Variants in OPCML observed in about 807,000 individuals in gnomAD.
OPCML encodes opioid-binding protein/cell adhesion molecule.
OPCML carries 13 observed loss-of-function variants against 37.8 expected under a neutral mutation model. That is an observed-to-expected ratio of 0.34 (90% CI 0.22 to 0.55). The LOEUF (loss-of-function observed/expected upper bound fraction) is 0.55, where lower values mean the gene tolerates loss of function less well. Among genes scored for constraint, OPCML ranks in the 20% least tolerant of loss-of-function variants. OPCML has a pLI of 0.91. For missense variants in OPCML, 341 were observed against 435.6 expected (o/e 0.78, Z 1.93); for synonymous variants, 176 against 168.8 (o/e 1.04, Z -0.33).
intron 1 of OPCML, among the ~76,000 whole-genome samples, chr11:133,079,101 C>T (rs1423509831): frequency 6.6e-6 from 1 of 152,146 alleles, no homozygotes; most frequent in African/African-American, 2.4e-5. Context: ...TCCACATACA[C>T]GCCCGCCTGA....
chr11:132,898,647 A>T (rs1439406827), intron 2 of OPCML, among the ~76,000 whole-genome samples: 2 of 152,200 alleles, frequency 1.3e-5, no homozygotes, highest in Non-Finnish European at 2.9e-5. Context: ...CATAGTCAGG[A>T]TACATGGAGT....
intron 3 of OPCML, among the ~76,000 whole-genome samples, chr11:132,581,618 C>T (rs929452030): frequency 3.3e-5 from 5 of 152,182 alleles, no homozygotes; most frequent in Non-Finnish European, 7.3e-5. Flanking sequence ...AGCTCTGAAT[C>T]CTGTCCCACC....
At chr11:132,606,857 C>G (rs559651714) in intron 3 of OPCML, among the ~76,000 whole-genome samples, 36 of 152,332 alleles carry the variant, frequency 2.4e-4, no homozygotes, top group South Asian at 1.2e-3. Flanking sequence ...TGTCTCCCCC[C>G]ACCCACCGCT....
At chr11:133,181,883 C>G (rs1937849287) in intron 1 of OPCML, among the ~76,000 whole-genome samples, 1 of 151,864 alleles carries the variant, frequency 6.6e-6, no homozygotes, top group African/African-American at 2.4e-5. Flanking sequence ...TGAGTCCCTC[C>G]TCCAAAGCTG....
At chr11:132,800,483 T>C (rs1938578210) in intron 2 of OPCML, among the ~76,000 whole-genome samples, 1 of 152,168 alleles carries the variant, frequency 6.6e-6, no homozygotes, top group Non-Finnish European at 1.5e-5. Context: ...ATCCTCATCT[T>C]GTTTCTGGAT....
chr11:132,633,577 C>A (rs1399719664), intron 3 of OPCML, among the ~76,000 whole-genome samples: 1 of 152,166 alleles, frequency 6.6e-6, no homozygotes, highest in Admixed American at 6.5e-5. Context: ...GGGTCTGAGC[C>A]TGGCCTCTTA....
chr11:133,091,950 T>G (rs1948913542), intron 1 of OPCML, among the ~76,000 whole-genome samples: 1 of 152,170 alleles, frequency 6.6e-6, no homozygotes, highest in Admixed American at 6.5e-5. Context: ...AATTTTATAG[T>G]CTGAATATCT....
At chr11:132,862,482 G>GA (rs11387928) in intron 2 of OPCML, among the ~76,000 whole-genome samples, 20,165 of 127,794 alleles carry the variant, frequency 0.16, 1,620 homozygotes, top group Non-Finnish European at 0.2. Flanking sequence ...TCATCTATAC[G>GA]AAAAAAAAAA....
At chr11:133,261,815 A>G (rs1429187014) in intron 1 of OPCML, among the ~76,000 whole-genome samples, 3 of 152,266 alleles carry the variant, frequency 2.0e-5, no homozygotes, top group African/African-American at 7.2e-5. Flanking sequence ...GCACCCTCAG[A>G]GTGTGCTTCT....
At chr11:133,313,163 G>A (rs1034569733) in intron 1 of OPCML, among the ~76,000 whole-genome samples, 1 of 152,148 alleles carries the variant, frequency 6.6e-6, no homozygotes, top group Non-Finnish European at 1.5e-5. Context: ...AATGCACGGA[G>A]CAGCAAATTT....
At chr11:132,438,309 G>T (rs1361757712) in intron 4 of OPCML, among the ~76,000 whole-genome samples, 1 of 152,192 alleles carries the variant, frequency 6.6e-6, no homozygotes, top group African/African-American at 2.4e-5. Context: ...CCAAGATAAA[G>T]CCCAAGGATA....
chr11:132,773,959 G>A (rs1029120022), intron 2 of OPCML, among the ~76,000 whole-genome samples: 1 of 152,182 alleles, frequency 6.6e-6, no homozygotes, highest in Non-Finnish European at 1.5e-5. Context: ...AAGAGAGAGA[G>A]AGAAAAGGCT....
intron 1 of OPCML, among the ~76,000 whole-genome samples, chr11:133,505,673 C>T (rs936944869): frequency 6.6e-6 from 1 of 152,186 alleles, no homozygotes; most frequent in Non-Finnish European, 1.5e-5. Context: ...GTCTTATAAT[C>T]GTTAACCATA....
At chr11:133,484,076 A>T (rs138275241) in intron 1 of OPCML, among the ~76,000 whole-genome samples, 36 of 120,514 alleles carry the variant, frequency 3.0e-4, no homozygotes, top group African/African-American at 1.4e-3. Context: ...ATAGATAGAT[A>T]GATAGATTCA....
intron 1 of OPCML, among the ~76,000 whole-genome samples, chr11:132,981,387 A>G (rs1054694302): frequency 6.6e-6 from 1 of 152,206 alleles, no homozygotes; most frequent in South Asian, 2.1e-4. Context: ...CTGAAGGCGG[A>G]GTTCTGTTGG....
At chr11:133,225,166 G>A (rs1939989106) in intron 1 of OPCML, among the ~76,000 whole-genome samples, 1 of 152,144 alleles carries the variant, frequency 6.6e-6, no homozygotes. Context: ...TTATTTATTT[G>A]GCAATCAGGC....
intron 2 of OPCML, among the ~76,000 whole-genome samples, chr11:132,670,192 TA>T (rs1347191584): frequency 3.9e-5 from 6 of 152,220 alleles, no homozygotes; most frequent in Admixed American, 1.3e-4. Context: ...TGGAAAAGTA[TA>T]AATTAAAATT....
chr11:133,144,361 G>T (rs1234853892), intron 1 of OPCML, among the ~76,000 whole-genome samples: 2 of 152,166 alleles, frequency 1.3e-5, no homozygotes, highest in African/African-American at 4.8e-5. Context: ...GCAACCCCTT[G>T]CCCCTTTTGT....
chr11:132,996,934 G>A (rs539375742), intron 1 of OPCML, among the ~76,000 whole-genome samples: 17 of 152,296 alleles, frequency 1.1e-4, no homozygotes, highest in East Asian at 3.9e-4. Context: ...CTAAGGGGCC[G>A]TCTCCTATTG....
Sources: gnomAD v4.1 joint callset for allele counts (sites outside exome capture counted in the v4.1 genomes callset) on GRCh38, gnomAD v4.1.1 for gene constraint, MANE v1.5 for transcripts, NCBI Gene and HGNC (gene_info 2026-07-23, HGNC 2026-07-21) for gene names.